The following LY9 variants were observed in gnomAD, a reference collection of about 807,000 sequenced individuals.
LY9 encodes lymphocyte antigen 9.
In LY9, 59 loss-of-function variants were observed where a neutral mutation model predicts 64.6. That is an observed-to-expected ratio of 0.91 (90% CI 0.74 to 1.13). The LOEUF is 1.13. Among genes scored for constraint, LY9 ranks in the 50% most tolerant of loss-of-function variants. The pLI is 0.00. For synonymous variants in LY9, 281 were observed against 308.5 expected, an observed-to-expected ratio of 0.91 and a Z score of 0.93; for missense variants, 789 against 797.2, an observed-to-expected ratio of 0.99 and a Z score of 0.12.
intron 7 of LY9, among the ~76,000 whole-genome samples, chr1:160,821,758 T>G (rs1198568682): frequency 2.6e-5 from 4 of 152,154 alleles, no homozygotes; most frequent in Non-Finnish European, 5.9e-5. Flanking sequence ...TCAGTTTCCT[T>G]ACCTTCCAAA....
chr1:160,816,893 A>T (rs1279016647), intron 5 of LY9, 30 bp downstream of exon 5: 15 of 1,612,188 alleles, frequency 9.3e-6, no homozygotes, highest in Non-Finnish European at 1.3e-5. Flanking sequence ...TACTCAGGTC[A>T]CAGGACCTTG....
Position 160,814,450 on chromosome 1 carries a change from G to C in LY9, c.761G>C (p.Gly254Ala). Reference sequence around the variant, plus strand: ...GGAGCCTCCAGAGGAGGAACAACGGGGGAGACTGTGGTAGGGGTCCTGGGA... The same window carrying C: ...GGAGCCTCCAGAGGAGGAACAACGGCGGAGACTGTGGTAGGGGTCCTGGGA... ...DPGASRGGTT[G>A]ETVVGVLGEP... Residue 254 changes from glycine (G) to alanine (A), a missense_variant, in exon 4 of 10, where the codon GGG (glycine) becomes GCG (alanine). Transcript: ENST00000263285. 1.9e-6 allele frequency: 3 copies of C among 1,613,300 alleles called. No homozygotes were observed. The highest frequency in any genetic ancestry group is 2.5e-6 in the Non-Finnish European group (3 of 1,179,514).
At chr1:160,823,395 G>C in intron 7 of LY9, 70 bp from the exon 8 acceptor site, 1 of 1,207,010 alleles carries the variant, frequency 8.3e-7, no homozygotes. Context: ...AGCAGGCTGG[G>C]GCCTTGCAGC....
intron 6 of LY9, among the ~76,000 whole-genome samples, chr1:160,818,664 T>C (rs1668142948): frequency 6.6e-6 from 1 of 152,134 alleles, no homozygotes; most frequent in African/African-American, 2.4e-5. Flanking sequence ...CCACCTTTCA[T>C]CTCTACTGTG....
In LY9 at chr1:160,801,785, C is replaced by T. The variant is rs545011080; in HGVS notation, c.454+1703C>T. On this transcript the variant is annotated intron_variant, in intron 2 of 9. Coordinates refer to ENST00000263285, the MANE Select transcript of LY9 (RefSeq NM_002348.4). ...CTTCTGCATGTGACTATTCAATTTT[C>T]CCAGCACCATTTATTGAAAAGTTGT... is the stretch of plus-strand genomic sequence containing the variant. The T allele has an allele frequency of 1.8e-5, 29 of 1,607,436 alleles. 1 individual carries two copies. Among genetic ancestry groups the T allele is most frequent in the African/African-American group, 1.5e-4 (11 of 74,902 alleles).
intron 5 of LY9, among the ~76,000 whole-genome samples, chr1:160,817,568 C>G (rs1050665665): frequency 4.6e-5 from 7 of 152,160 alleles, no homozygotes; most frequent in Admixed American, 3.9e-4. Context: ...AGAAAAGAAG[C>G]CCCAGTGGCC....
At chr1:160,804,931 T>C (rs1666834689) in intron 2 of LY9, among the ~76,000 whole-genome samples, 1 of 152,152 alleles carries the variant, frequency 6.6e-6, no homozygotes, top group African/African-American at 2.4e-5. Context: ...TTTGTATTCC[T>C]GTAATGTCAG....
chr1:160,811,924 A>G (rs1667508312), intron 2 of LY9: 1 of 152,076 alleles, frequency 6.6e-6, no homozygotes, highest in East Asian at 1.9e-4. Flanking sequence ...CACACCTCAA[A>G]ATTCTTCCAA....
intron 2 of LY9, 196 bp downstream of exon 2, chr1:160,800,278 A>G (rs1479243341): frequency 5.3e-6 from 3 of 562,930 alleles, no homozygotes; most frequent in Non-Finnish European, 9.4e-6. Flanking sequence ...AATTGAATTG[A>G]TTTTCTCTAT....
In LY9 at chr1:160,819,339, G is replaced by T. The variant is rs777270856; in HGVS notation, c.1463G>T (p.Cys488Phe). 1 of 1,613,704 alleles carries T rather than the reference G, an allele frequency of 6.2e-7. No homozygotes were observed. The highest frequency in any genetic ancestry group is 8.5e-7 in the Non-Finnish European group (1 of 1,179,724). Residue 488 changes from cysteine (C) to phenylalanine (F), a missense_variant, in exon 7 of 10, where the codon TGT becomes TTT. Cys to Phe is a radical substitution (Grantham distance 205). Transcript: ENST00000263285. ...TTCTCAGGTTCAGTCCCAGCCTTCT[G>T]TTCCAGCCAAGCTGAGGCCCCAGCG... Reference protein sequence around the residue: ...RKGRCSVPAFCSSQAEAPADT... With the variant: ...RKGRCSVPAFFSSQAEAPADT...
At chr1:160,820,577 A>G (rs1047826578) in intron 7 of LY9, among the ~76,000 whole-genome samples, 14 of 152,174 alleles carry the variant, frequency 9.2e-5, no homozygotes, top group African/African-American at 2.9e-4. Flanking sequence ...GAAGGGAATT[A>G]GGCTGGACTA....
intron 2 of LY9, among the ~76,000 whole-genome samples, chr1:160,800,717 T>A (rs898716098): frequency 2.0e-5 from 3 of 152,188 alleles, no homozygotes; most frequent in Admixed American, 1.3e-4. Flanking sequence ...CTACCTCTTG[T>A]AGGCTCCGCT....
rs752117754 is a variant in LY9, at chr1:160,796,218, T to C, written c.31T>C (p.Trp11Arg). Residue 11 changes from tryptophan (W) to arginine (R), a missense_variant, in exon 1 of 10, where the codon TGG becomes CGG. Physicochemically the swap from Trp to Arg is moderately radical, Grantham distance 101 (BLOSUM62 -3). Coordinates refer to ENST00000263285, the MANE Select transcript of LY9 (RefSeq NM_002348.4). ...GGCACCAAAGAGTCACACAGATGACTGGGCTCCTGGGCCTTTCTCCAGTAA... is the reference window on the plus strand; with the variant it reads ...GGCACCAAAGAGTCACACAGATGACCGGGCTCCTGGGCCTTTCTCCAGTAA... MVAPKSHTDD[W>R]APGPFSSKPQ... The C allele has an allele frequency of 6.2e-7, 1 of 1,614,146 alleles. No homozygotes were observed. The highest frequency in any genetic ancestry group is 1.1e-5 in the South Asian group (1 of 91,086).
At chr1:160,818,949 T>C (rs1259862113) in intron 6 of LY9, among the ~76,000 whole-genome samples, 3 of 152,188 alleles carry the variant, frequency 2.0e-5, no homozygotes, top group Non-Finnish European at 4.4e-5. Context: ...GCAGCTCCTC[T>C]AGAATCCCAG....
Position 160,827,883 on chromosome 1 carries a change from G to A in LY9, c.*67G>A, listed in dbSNP as rs781280155. The A allele has an allele frequency of 4.6e-4, 608 of 1,315,822 alleles. 4 individuals carry two copies. The highest frequency in any genetic ancestry group is 3.7e-4 in the Middle Eastern group (2 of 5,336). 81.5% of individuals were successfully genotyped at this position (1,315,822 alleles called of 1,614,324 possible). On this transcript the variant is annotated 3_prime_UTR_variant, in exon 10 of 10. Transcript: ENST00000263285. Reference sequence around the variant, plus strand: ...TGGAAAGTCAGCTGGACCTCATGGGGCCTGGGGCTCACAGACAGAAGCACC... The same window carrying A: ...TGGAAAGTCAGCTGGACCTCATGGGACCTGGGGCTCACAGACAGAAGCACC...
chr1:160,800,103 G>C, intron 2 of LY9, 21 bp downstream of exon 2: 2 of 1,571,646 alleles, frequency 1.3e-6, no homozygotes, highest in African/African-American at 2.7e-5. Flanking sequence ...GAGAGCTTCT[G>C]TGTTTTGATC....
chr1:160,814,989 T>G (rs1369274530), intron 4 of LY9: 11 of 563,314 alleles, frequency 2.0e-5, no homozygotes, highest in Admixed American at 3.1e-5. Context: ...GGCTGCCAGT[T>G]AGGCCTCCAC....
chr1:160,796,399 T>G (rs377750062), intron 1 of LY9, 88 bp downstream of exon 1: 4 of 1,330,738 alleles, frequency 3.0e-6, no homozygotes, highest in African/African-American at 2.9e-5. Flanking sequence ...CTTTTTTTTG[T>G]TTTTTGTTTT....
At chr1:160,824,530 G>T in intron 9 of LY9, 1 of 985,172 alleles carries the variant, frequency 1.0e-6, no homozygotes, top group Non-Finnish European at 1.2e-6. Flanking sequence ...AAACAAGGTA[G>T]GGTCTTTATA....
Sources: allele counts gnomAD v4.1 joint callset (sites outside exome capture counted in the v4.1 genomes callset), GRCh38; gene constraint gnomAD v4.1.1; transcripts MANE v1.5; gene names NCBI Gene and HGNC (gene_info 2026-07-23, HGNC 2026-07-21).